Variants in NTNG1 observed in about 807,000 individuals in gnomAD.
NTNG1 encodes the protein netrin-G1.
In NTNG1, 16 loss-of-function variants were observed where a neutral mutation model predicts 54.0. The observed-to-expected ratio is 0.30, with a 90% CI of 0.20 to 0.45. NTNG1 has a LOEUF of 0.45. Among genes scored for constraint, NTNG1 ranks in the 20% least tolerant of loss-of-function variants. The probability of loss-of-function intolerance (pLI) is 1.00; values close to 1 mark genes in which losing one functional copy is unlikely to be tolerated. For missense variants in NTNG1, 530 were observed against 678.7 expected, an observed-to-expected ratio of 0.78 and a Z score of 2.43; for synonymous variants, 255 against 263.1, an observed-to-expected ratio of 0.97 and a Z score of 0.30.
At chr1:107,339,344 G>C (rs971948757) in intron 3 of NTNG1, among the ~76,000 whole-genome samples, 5 of 152,028 alleles carry the variant, frequency 3.3e-5, no homozygotes, top group African/African-American at 9.7e-5. Flanking sequence ...GAAATGTATA[G>C]TGTTAATATC....
intron 5 of NTNG1, among the ~76,000 whole-genome samples, chr1:107,415,393 A>G (rs1333141867): frequency 1.3e-5 from 2 of 152,166 alleles, no homozygotes; most frequent in Non-Finnish European, 2.9e-5. Context: ...TCACCCTTCC[A>G]TGAACTTTAC....
At chr1:107,430,547 T>C (rs1217580337) in intron 5 of NTNG1, 5 of 710,668 alleles carry the variant, frequency 7.0e-6, no homozygotes, top group African/African-American at 1.7e-5. Flanking sequence ...GTTCCGAATG[T>C]CCGACCTTTC....
At position 107,386,168 on chromosome 1, in the gene NTNG1, T is replaced by C. The variant is rs1027904108; in HGVS notation, c.888-8986T>C. Among the ~76,000 whole-genome samples, 4 of 102,434 alleles carry C rather than the reference T, an allele frequency of 3.9e-5. No homozygotes were observed. In the Admixed American group the frequency reaches 4.2e-4, roughly 11 times the overall value. The allele number at this position is 102,434 out of a possible 152,430, so 67.2% of individuals were successfully genotyped here. A position where few individuals can be genotyped will look rare whatever the true frequency, so the allele number is the denominator to read the frequency against. On this transcript the variant is annotated intron_variant, in intron 3 of 7. Coordinates refer to ENST00000370068, the MANE Select transcript of NTNG1 (RefSeq NM_001113226.3). Reference sequence around the variant, plus strand: ...ATGTGTGTATATATATATATATATTTTTTTTTTTTTCTTCCTTTGAAATGG... The same window carrying C: ...ATGTGTGTATATATATATATATATTCTTTTTTTTTTCTTCCTTTGAAATGG...
chr1:107,421,411 T>G (rs888391640), intron 5 of NTNG1, among the ~76,000 whole-genome samples: 1 of 152,096 alleles, frequency 6.6e-6, no homozygotes, highest in Non-Finnish European at 1.5e-5. Flanking sequence ...TTGAGGTTCC[T>G]GTTTAGAACA....
At chr1:107,466,927 CA>C (rs1677643397) in intron 7 of NTNG1, among the ~76,000 whole-genome samples, 1 of 152,194 alleles carries the variant, frequency 6.6e-6, no homozygotes, top group African/African-American at 2.4e-5. Context: ...CCCCCCTTTT[CA>C]GGTCCACTAA....
At chr1:107,189,123 G>C (rs565203445) in intron 2 of NTNG1, among the ~76,000 whole-genome samples, 1 of 152,128 alleles carries the variant, frequency 6.6e-6, no homozygotes, top group African/African-American at 2.4e-5. Context: ...AGACCGAGGT[G>C]GGTGTATCCC....
chr1:107,286,338 T>C (rs1665200489), intron 2 of NTNG1, among the ~76,000 whole-genome samples: 1 of 152,200 alleles, frequency 6.6e-6, no homozygotes, highest in Admixed American at 6.6e-5. Context: ...CTTTGTAGCA[T>C]GTCTGACAGA....
intron 6 of NTNG1, among the ~76,000 whole-genome samples, chr1:107,435,697 T>G (rs561999383): frequency 9.9e-5 from 15 of 152,142 alleles, no homozygotes; most frequent in African/African-American, 1.2e-4. Context: ...TGGTTTTTCA[T>G]GAGGGAACTG....
chr1:107,361,393 T>TATATATA (rs10637251), intron 3 of NTNG1, among the ~76,000 whole-genome samples: 810 of 26,642 alleles, frequency 0.03, 6 homozygotes, highest in Non-Finnish European at 0.046. Flanking sequence ...ATATATATAT[T>TATATATA]TTTTTTTTTT....
At chr1:107,336,607 AG>A (rs1441573433) in intron 3 of NTNG1, among the ~76,000 whole-genome samples, 48 of 152,062 alleles carry the variant, frequency 3.2e-4, no homozygotes, top group Admixed American at 2.8e-3. Flanking sequence ...AGTCAACAAA[AG>A]CAAAAATGGG....
chr1:107,323,282 A>G (rs1366714706), intron 2 of NTNG1, among the ~76,000 whole-genome samples: 2 of 152,140 alleles, frequency 1.3e-5, no homozygotes, highest in African/African-American at 4.8e-5. Flanking sequence ...TAAAAACAAA[A>G]TCAACAAAAA....
intron 3 of NTNG1, among the ~76,000 whole-genome samples, chr1:107,338,990 G>T (rs1668752251): frequency 6.6e-6 from 1 of 151,912 alleles, no homozygotes; most frequent in Non-Finnish European, 1.5e-5. Flanking sequence ...GTGGGAAATT[G>T]TAAAGCTTCA....
chr1:107,157,079 T>C (rs1655057073), intron 2 of NTNG1, among the ~76,000 whole-genome samples: 1 of 152,156 alleles, frequency 6.6e-6, no homozygotes, highest in Non-Finnish European at 1.5e-5. Context: ...ACTTTCTATG[T>C]GTTATGGCCT....
rs1397238117 is a variant in NTNG1 at position 107,191,516 on chromosome 1, C to G, written c.246+42677C>G. ...AAGTCCTTGCCCATGCCTATGTCCTCAATGGTATTGCCTAGGTTTTCTTCT... is the reference window on the plus strand; with the variant it reads ...AAGTCCTTGCCCATGCCTATGTCCTGAATGGTATTGCCTAGGTTTTCTTCT... On this transcript the variant is annotated intron_variant, in intron 2 of 7. Transcript: ENST00000370068. Among the ~76,000 whole-genome samples the G allele has an allele frequency of 4.5e-3, 683 of 151,864 alleles. 5 individuals carry two copies. The highest frequency in any genetic ancestry group is 0.015 in the African/African-American group (621 of 41,352).
intron 2 of NTNG1, among the ~76,000 whole-genome samples, chr1:107,242,205 T>C (rs1344286523): frequency 6.6e-6 from 1 of 151,924 alleles, no homozygotes; most frequent in Non-Finnish European, 1.5e-5. Flanking sequence ...AGAGGAGTGG[T>C]TGGGGAGGCT....
At chr1:107,406,496 GA>G (rs1487263780) in intron 4 of NTNG1, among the ~76,000 whole-genome samples, 1 of 152,058 alleles carries the variant, frequency 6.6e-6, no homozygotes, top group African/African-American at 2.4e-5. Flanking sequence ...TTCAGATGAG[GA>G]AACAGTGCAA....
chr1:107,216,206 G>A (rs1225001004), intron 2 of NTNG1, among the ~76,000 whole-genome samples: 1 of 152,014 alleles, frequency 6.6e-6, no homozygotes, highest in Non-Finnish European at 1.5e-5. Context: ...GGTGAAAGTG[G>A]GCATCCTTGT....
intron 4 of NTNG1, among the ~76,000 whole-genome samples, chr1:107,402,190 T>A (rs757478506): frequency 2.6e-5 from 4 of 152,182 alleles, no homozygotes; most frequent in African/African-American, 4.8e-5. Context: ...TAAGTCTATG[T>A]GCAGAGCCAG....
chr1:107,300,675 C>A (rs1666261092), intron 2 of NTNG1, among the ~76,000 whole-genome samples: 1 of 152,146 alleles, frequency 6.6e-6, no homozygotes, highest in Non-Finnish European at 1.5e-5. Context: ...ACAGAGAATT[C>A]AGTTCAAGCA....
Sources: allele counts gnomAD v4.1 joint callset (sites outside exome capture counted in the v4.1 genomes callset), GRCh38; gene constraint gnomAD v4.1.1; transcripts MANE v1.5; gene names NCBI Gene and HGNC (gene_info 2026-07-23, HGNC 2026-07-21).